Variants in SH3RF3 observed in about 807,000 individuals in gnomAD.
SH3RF3 encodes the protein E3 ubiquitin-protein ligase SH3RF3.
In SH3RF3, 29 loss-of-function variants were observed where a neutral mutation model predicts 66.3. The ratio of observed to expected loss-of-function variants is 0.44; its 90% CI spans 0.33 to 0.60. The LOEUF (loss-of-function observed/expected upper bound fraction) is 0.60. Ranked by LOEUF, SH3RF3 falls within the 20% of genes least tolerant of loss-of-function variation. The pLI is 0.04. For missense variants in SH3RF3, 1,194 were observed against 1,190.9 expected (o/e 1.00, Z -0.04); for synonymous variants, 583 against 532.0 (o/e 1.10, Z -1.32).
intron 1 of SH3RF3, among the ~76,000 whole-genome samples, chr2:109,292,596 T>C (rs1681213243): frequency 6.6e-6 from 1 of 152,358 alleles, no homozygotes; most frequent in Non-Finnish European, 1.5e-5. Flanking sequence ...TTCCCTGATT[T>C]CTATTTTGGG....
At chr2:109,155,503 G>C (rs1005635624) in intron 1 of SH3RF3, among the ~76,000 whole-genome samples, 3 of 152,082 alleles carry the variant, frequency 2.0e-5, no homozygotes, top group Non-Finnish European at 4.4e-5. Context: ...GGGTTTCACG[G>C]TGTTAGCCAG....
intron 1 of SH3RF3, among the ~76,000 whole-genome samples, chr2:109,198,307 C>T (rs1678555370): frequency 6.6e-6 from 1 of 152,120 alleles, no homozygotes; most frequent in Non-Finnish European, 1.5e-5. Context: ...GAATTTATGA[C>T]CCTGAGGAAT....
At chr2:109,135,469 A>G (rs1184303523) in intron 1 of SH3RF3, among the ~76,000 whole-genome samples, 6 of 152,198 alleles carry the variant, frequency 3.9e-5, no homozygotes, top group African/African-American at 9.7e-5. Context: ...TCTTAGATAA[A>G]TAGGATAACG....
In SH3RF3 at chr2:109,384,054, C is replaced by T. The variant is rs1319759317; in HGVS notation, c.945+12373C>T. Reference sequence around the variant, plus strand: ...TGCTTCCATCAGAGGACCACTTGCTCCTCCCACCCTTAGGTTTCTGTTGGT... The same window carrying T: ...TGCTTCCATCAGAGGACCACTTGCTTCTCCCACCCTTAGGTTTCTGTTGGT... On this transcript the variant is annotated intron_variant, in intron 3 of 9. Coordinates refer to ENST00000309415, the MANE Select transcript of SH3RF3 (RefSeq NM_001099289.3). Among the ~76,000 whole-genome samples the T allele has an allele frequency of 2.6e-5, 4 of 152,204 alleles. No individual in the cohort carries two copies. In the East Asian group the frequency reaches 5.8e-4, roughly 22 times the overall value.
At chr2:109,489,772 C>CT (rs1679080453) in intron 8 of SH3RF3, among the ~76,000 whole-genome samples, 1 of 152,092 alleles carries the variant, frequency 6.6e-6, no homozygotes, top group South Asian at 2.1e-4. Context: ...GAGTCTCGCT[C>CT]TGTCACCCAG....
intron 2 of SH3RF3, among the ~76,000 whole-genome samples, chr2:109,364,510 T>G (rs990723917): frequency 1.3e-5 from 2 of 152,146 alleles, no homozygotes; most frequent in Non-Finnish European, 2.9e-5. Context: ...AACTGTGGGG[T>G]TTTTTGCCTT....
chr2:109,427,970 T>A (rs1437539650), intron 5 of SH3RF3, among the ~76,000 whole-genome samples: 2 of 152,252 alleles, frequency 1.3e-5, no homozygotes, highest in African/African-American at 4.8e-5. Context: ...CTGCAGCTCC[T>A]GGTCGCCTCT....
intron 4 of SH3RF3, among the ~76,000 whole-genome samples, chr2:109,411,344 C>G (rs1331275697): frequency 6.6e-6 from 1 of 152,210 alleles, no homozygotes; most frequent in East Asian, 1.9e-4. Context: ...CAGTTAGTTC[C>G]TGCCAGGGTT....
chr2:109,465,171 G>A (rs1172671670), intron 8 of SH3RF3, among the ~76,000 whole-genome samples: 3 of 152,144 alleles, frequency 2.0e-5, no homozygotes, highest in Non-Finnish European at 4.4e-5. Flanking sequence ...TTTTAGCACT[G>A]AATAATATTC....
At chr2:109,294,013 G>T (rs1049309709) in intron 1 of SH3RF3, among the ~76,000 whole-genome samples, 1 of 152,196 alleles carries the variant, frequency 6.6e-6, no homozygotes, top group Admixed American at 6.5e-5. Flanking sequence ...GCAGCTGGTT[G>T]TGTCACATCC....
At chr2:109,171,106 T>C (rs1574486013) in intron 1 of SH3RF3, among the ~76,000 whole-genome samples, 1 of 152,228 alleles carries the variant, frequency 6.6e-6, no homozygotes, top group Non-Finnish European at 1.5e-5. Context: ...GTGTGACTTA[T>C]CTCTTCCTCA....
chr2:109,148,952 C>T (rs1472107735), intron 1 of SH3RF3, among the ~76,000 whole-genome samples: 1 of 152,178 alleles, frequency 6.6e-6, no homozygotes, highest in Non-Finnish European at 1.5e-5. Context: ...GTGGAGCAGA[C>T]AGAGCCCAGG....
chr2:109,406,886 G>A (rs550185886), intron 4 of SH3RF3, among the ~76,000 whole-genome samples: 84 of 152,278 alleles, frequency 5.5e-4, no homozygotes, highest in African/African-American at 2.0e-3. Flanking sequence ...TGAGGGGTGG[G>A]CACATGGAGT....
chr2:109,223,176 C>A (rs1679293887), intron 1 of SH3RF3, among the ~76,000 whole-genome samples: 1 of 152,232 alleles, frequency 6.6e-6, no homozygotes, highest in African/African-American at 2.4e-5. Context: ...ATGGGTGCTG[C>A]TGCCACAGAT....
At chr2:109,379,399 G>A (rs1369200223) in intron 3 of SH3RF3, among the ~76,000 whole-genome samples, 5 of 152,136 alleles carry the variant, frequency 3.3e-5, no homozygotes, top group South Asian at 2.1e-4. Flanking sequence ...GCCAAAGCCC[G>A]TCCCGTGGTC....
intron 1 of SH3RF3, among the ~76,000 whole-genome samples, chr2:109,250,601 T>C (rs1680066038): frequency 6.6e-6 from 1 of 151,612 alleles, no homozygotes; most frequent in Admixed American, 6.6e-5. Context: ...ATAATAACAG[T>C]AATAATAATA....
chr2:109,483,580 A>C (rs1050660126), intron 8 of SH3RF3, among the ~76,000 whole-genome samples: 1 of 152,166 alleles, frequency 6.6e-6, no homozygotes, highest in Admixed American at 6.5e-5. Context: ...TTGACTTCCT[A>C]TCTGCTGTGT....
intron 8 of SH3RF3, among the ~76,000 whole-genome samples, chr2:109,489,583 CAGAG>C (rs574839181): frequency 6.6e-6 from 1 of 152,256 alleles, no homozygotes; most frequent in Admixed American, 6.5e-5. Context: ...GGTCCCGTGA[CAGAG>C]AGGGCTGTGT....
chr2:109,229,216 G>A (rs1558969979), intron 1 of SH3RF3, among the ~76,000 whole-genome samples: 1 of 152,200 alleles, frequency 6.6e-6, no homozygotes, highest in Non-Finnish European at 1.5e-5. Flanking sequence ...ATGTCACACA[G>A]CTGTTCCCTT....
Sources: allele counts gnomAD v4.1 joint callset (sites outside exome capture counted in the v4.1 genomes callset), GRCh38; gene constraint gnomAD v4.1.1; transcripts MANE v1.5; gene names NCBI Gene and HGNC (gene_info 2026-07-23, HGNC 2026-07-21).